Variants in KCNIP4 observed in about 807,000 individuals in gnomAD.
The protein encoded by KCNIP4 is Kv channel-interacting protein 4.
A neutral mutation model predicts 34.0 loss-of-function variants in KCNIP4; 12 were observed. The observed-to-expected ratio is 0.35, with a 90% CI of 0.23 to 0.57. KCNIP4 has a LOEUF of 0.57. KCNIP4 is among the 20% of genes least tolerant of loss of function. The pLI is 0.83. For synonymous variants in KCNIP4, 124 were observed against 102.2 expected (o/e 1.21, Z -1.29); for missense variants, 238 against 311.7 (o/e 0.76, Z 1.78).
chr4:21,694,914 C>CAAAAAAAAAAAAAAAA (rs368053041), intron 1 of KCNIP4, among the ~76,000 whole-genome samples: 12 of 46,512 alleles, frequency 2.6e-4, no homozygotes, highest in African/African-American at 7.9e-4. Context: ...CACGATTGAC[C>CAAAAAAAAAAAAAAAA]AAAAAAAAAA....
intron 1 of KCNIP4, among the ~76,000 whole-genome samples, chr4:21,750,764 C>T (rs1824368): frequency 0.092 from 13,978 of 152,110 alleles, 679 homozygotes; most frequent in Middle Eastern, 0.18. Flanking sequence ...ACAGTTATTT[C>T]GCGGAGAAGC....
chr4:21,006,194 C>A (rs1738541753), intron 1 of KCNIP4, among the ~76,000 whole-genome samples: 1 of 152,098 alleles, frequency 6.6e-6, no homozygotes. Context: ...TAAGGCAGCA[C>A]CTGCCCTTAA....
chr4:21,309,447 T>C (rs1435823500), intron 1 of KCNIP4, among the ~76,000 whole-genome samples: 1 of 152,226 alleles, frequency 6.6e-6, no homozygotes, highest in Non-Finnish European at 1.5e-5. Flanking sequence ...ATATCACTTG[T>C]AGCCCATAAA....
intron 1 of KCNIP4, among the ~76,000 whole-genome samples, chr4:21,842,054 C>T (rs978137905): frequency 3.3e-5 from 5 of 152,094 alleles, no homozygotes. Context: ...TTGGCAGAAC[C>T]TGTAAGTGCT....
intron 1 of KCNIP4, among the ~76,000 whole-genome samples, chr4:21,061,757 T>C (rs199789781): frequency 1.3e-5 from 2 of 152,330 alleles, no homozygotes; most frequent in East Asian, 3.9e-4. Context: ...GTTGAAGCCT[T>C]AGTTCCCAGT....
intron 1 of KCNIP4, among the ~76,000 whole-genome samples, chr4:21,800,430 T>C (rs908880064): frequency 1.3e-5 from 2 of 152,170 alleles, no homozygotes; most frequent in African/African-American, 4.8e-5. Context: ...AAGCAAGGAT[T>C]ATAAAAATGA....
chr4:20,864,327 C>T (rs1243230064), intron 2 of KCNIP4, among the ~76,000 whole-genome samples: 1 of 150,626 alleles, frequency 6.6e-6, no homozygotes, highest in African/African-American at 2.4e-5. Context: ...CGTTTATATG[C>T]ATATGTATGT....
intron 1 of KCNIP4, among the ~76,000 whole-genome samples, chr4:20,925,554 C>T (rs983061415): frequency 2.0e-5 from 3 of 152,074 alleles, no homozygotes; most frequent in Non-Finnish European, 2.9e-5. Flanking sequence ...AATGGGAAAC[C>T]GGCAGCCCTC....
chr4:21,731,661 A>G (rs1715612044), intron 1 of KCNIP4, among the ~76,000 whole-genome samples: 1 of 152,136 alleles, frequency 6.6e-6, no homozygotes. Flanking sequence ...AACCCAATCA[A>G]AGTTTGCACC....
At chr4:20,758,745 A>AT in intron 4 of KCNIP4, 76 bp downstream of exon 4, 1 of 1,064,304 alleles carries the variant, frequency 9.4e-7, no homozygotes, top group Admixed American at 1.9e-5. Flanking sequence ...GCATCATGCT[A>AT]TGAAAAATTA....
chr4:20,770,717 T>C (rs1041567309), intron 3 of KCNIP4, among the ~76,000 whole-genome samples: 1 of 152,112 alleles, frequency 6.6e-6, no homozygotes, highest in Non-Finnish European at 1.5e-5. Context: ...GCGGATCACC[T>C]GAGGTCAGGA....
intron 1 of KCNIP4, among the ~76,000 whole-genome samples, chr4:21,897,882 G>A (rs2109415256): frequency 6.6e-6 from 1 of 152,282 alleles, no homozygotes; most frequent in Non-Finnish European, 1.5e-5. Flanking sequence ...AGACGGTTTT[G>A]TATGGCCTAC....
At chr4:20,967,157 T>G (rs569084723) in intron 1 of KCNIP4, among the ~76,000 whole-genome samples, 4 of 152,190 alleles carry the variant, frequency 2.6e-5, no homozygotes, top group Admixed American at 6.5e-5. Context: ...TGAATGAGCT[T>G]TCATGTCTTC....
intron 1 of KCNIP4, among the ~76,000 whole-genome samples, chr4:21,523,133 T>C (rs1735684163): frequency 6.6e-6 from 1 of 152,148 alleles, no homozygotes. Context: ...TCATTGGACA[T>C]CAAGTCCAGT....
At chr4:21,624,400 T>G (rs530193758) in intron 1 of KCNIP4, among the ~76,000 whole-genome samples, 2 of 152,234 alleles carry the variant, frequency 1.3e-5, no homozygotes, top group South Asian at 2.1e-4. Context: ...AGTGAAAATG[T>G]CACCACAACT....
At chr4:20,821,852 G>A (rs1338743689) in intron 3 of KCNIP4, among the ~76,000 whole-genome samples, 10 of 149,366 alleles carry the variant, frequency 6.7e-5, no homozygotes, top group Non-Finnish European at 1.5e-4. Context: ...TGGTGTGTGT[G>A]TATGTGTGTG....
chr4:21,683,514 G>C, intron 1 of KCNIP4, among the ~76,000 whole-genome samples: 1 of 101,528 alleles, frequency 9.8e-6, no homozygotes, highest in Non-Finnish European at 1.9e-5. Context: ...GTCACCCAGG[G>C]CTGGAGTGCA....
At chr4:21,033,926 T>C (rs1741227430) in intron 1 of KCNIP4, among the ~76,000 whole-genome samples, 1 of 152,204 alleles carries the variant, frequency 6.6e-6, no homozygotes. Context: ...AAACCGCATA[T>C]GGTCTCTCTG....
At chr4:21,033,183 A>G (rs1741159350) in intron 1 of KCNIP4, among the ~76,000 whole-genome samples, 1 of 152,196 alleles carries the variant, frequency 6.6e-6, no homozygotes, top group African/African-American at 2.4e-5. Flanking sequence ...ATTTTCTACA[A>G]GTAGGCTTTG....
Sources: gnomAD v4.1 joint callset for allele counts (sites outside exome capture counted in the v4.1 genomes callset) on GRCh38, gnomAD v4.1.1 for gene constraint, MANE v1.5 for transcripts, NCBI Gene and HGNC (gene_info 2026-07-23, HGNC 2026-07-21) for gene names.